DPYD: variants seen among roughly 807,000 people sequenced by gnomAD.
The protein encoded by DPYD is dihydropyrimidine dehydrogenase [NADP(+)].
DPYD carries 109 observed loss-of-function variants against 116.2 expected under a neutral mutation model. That is an observed-to-expected ratio of 0.94 (90% CI 0.80 to 1.10). DPYD has a LOEUF of 1.10. Ranked by LOEUF, DPYD falls within the 50% of genes least tolerant of loss-of-function variation. DPYD has a pLI of 0.00. For synonymous variants in DPYD, 440 were observed against 432.0 expected, an observed-to-expected ratio of 1.02 and a Z score of -0.23; for missense variants, 1,302 against 1,254.5, an observed-to-expected ratio of 1.04 and a Z score of -0.57.
chr1:97,752,873 C>A (rs1026711092), intron 3 of DPYD, among the ~76,000 whole-genome samples: 4 of 152,118 alleles, frequency 2.6e-5, no homozygotes, highest in Non-Finnish European at 4.4e-5. Flanking sequence ...GGTTGGGTTC[C>A]TCTGTCTTTG....
chr1:97,084,949 C>A (rs1027691566), intron 21 of DPYD, among the ~76,000 whole-genome samples: 8 of 152,098 alleles, frequency 5.3e-5, no homozygotes, highest in Non-Finnish European at 1.0e-4. Context: ...TATCTATACA[C>A]TAAACCTATA....
intron 8 of DPYD, among the ~76,000 whole-genome samples, chr1:97,667,941 G>C (rs1313657262): frequency 2.6e-5 from 4 of 152,240 alleles, no homozygotes; most frequent in Non-Finnish European, 5.9e-5. Flanking sequence ...TATGCTAAGT[G>C]AAATAAGCCA....
At chr1:97,379,661 G>T (rs989654134) in intron 15 of DPYD, among the ~76,000 whole-genome samples, 7 of 152,134 alleles carry the variant, frequency 4.6e-5, no homozygotes, top group African/African-American at 1.7e-4. Context: ...TACAATTCTG[G>T]GTTTAGAAGA....
At chr1:97,314,353 T>C (rs936067357) in intron 16 of DPYD, among the ~76,000 whole-genome samples, 1 of 151,860 alleles carries the variant, frequency 6.6e-6, no homozygotes, top group Non-Finnish European at 1.5e-5. Context: ...TCCTGTTTTG[T>C]TCCTTTAAAT....
chr1:97,694,677 C>T lies in DPYD; in HGVS notation c.681-2879G>A, dbSNP rs561583642. On this transcript the variant is annotated intron_variant, in intron 6 of 22. Coordinates refer to ENST00000370192, the MANE Select transcript of DPYD (RefSeq NM_000110.4). ...CCATCATCACACACTATTCCCTTTC[C>T]AGCCCCACACCAAGCCCAGATGCAG... Among the ~76,000 whole-genome samples the T allele has an allele frequency of 3.3e-5, 5 of 152,252 alleles. No individual in the cohort carries two copies. The South Asian group carries it at 8.3e-4, about 25-fold the overall frequency.
chr1:97,705,787 C>T (rs1661909386), intron 5 of DPYD, among the ~76,000 whole-genome samples: 1 of 152,078 alleles, frequency 6.6e-6, no homozygotes. Context: ...ACATCTTCTC[C>T]AGCACCTGTT....
chr1:97,430,606 C>T (rs1675120769), intron 14 of DPYD, among the ~76,000 whole-genome samples: 1 of 150,902 alleles, frequency 6.6e-6, no homozygotes, highest in Non-Finnish European at 1.5e-5. Context: ...AAAAAAATGT[C>T]CTCTTTCACG....
intron 8 of DPYD, among the ~76,000 whole-genome samples, chr1:97,654,130 G>A (rs1353754853): frequency 6.6e-6 from 1 of 152,162 alleles, no homozygotes; most frequent in Non-Finnish European, 1.5e-5. Flanking sequence ...TCACAGAATT[G>A]CACAGGGCCA....
intron 1 of DPYD, among the ~76,000 whole-genome samples, chr1:97,895,231 T>A (rs1672998799): frequency 6.6e-6 from 1 of 151,780 alleles, no homozygotes; most frequent in Non-Finnish European, 1.5e-5. Context: ...TAGTACCTTT[T>A]GTGTATAAAA....
chr1:97,368,637 C>A (rs1671162985), intron 16 of DPYD, among the ~76,000 whole-genome samples: 1 of 152,172 alleles, frequency 6.6e-6, no homozygotes, highest in African/African-American at 2.4e-5. Flanking sequence ...ATTAAAGGTA[C>A]TGCTGGCCAA....
At chr1:97,406,559 C>A (rs1473746235) in intron 14 of DPYD, among the ~76,000 whole-genome samples, 1 of 148,166 alleles carries the variant, frequency 6.7e-6, no homozygotes, top group Non-Finnish European at 1.5e-5. Context: ...CCTAGCCCCC[C>A]ACCCCCCGAC....
In DPYD at chr1:97,751,492, A is replaced by G. The variant is rs189450002; in HGVS notation, c.234-11013T>C. 5.9e-5 allele frequency among the ~76,000 whole-genome samples: 8 copies of G among 134,658 alleles called. No homozygotes were observed. In the East Asian group the frequency reaches 1.4e-3, roughly 23 times the overall value. The allele number at this position is 134,658 out of a possible 152,430, so 88.3% of individuals were successfully genotyped here. On this transcript the variant is annotated intron_variant, in intron 3 of 22. Transcript: ENST00000370192. ...TATATATATATATATATATATATAT[A>G]TATGGCAGGGGACAGTGGCTCACGC...
intron 19 of DPYD, among the ~76,000 whole-genome samples, chr1:97,203,194 T>C (rs2101849045): frequency 6.6e-6 from 1 of 152,100 alleles, no homozygotes; most frequent in East Asian, 1.9e-4. Context: ...GTAACACAGG[T>C]GGTGGTGTAA....
intron 16 of DPYD, among the ~76,000 whole-genome samples, chr1:97,347,630 C>A (rs1669924717): frequency 2.6e-5 from 4 of 151,930 alleles, no homozygotes; most frequent in African/African-American, 9.7e-5. Flanking sequence ...CAAGGTTGTA[C>A]CGGGCTCATA....
At chr1:97,083,606 C>T (rs2101561982) in intron 21 of DPYD, among the ~76,000 whole-genome samples, 1 of 152,214 alleles carries the variant, frequency 6.6e-6, no homozygotes, top group South Asian at 2.1e-4. Flanking sequence ...ATTTCAACTA[C>T]ACTGCAGTCT....
intron 20 of DPYD, among the ~76,000 whole-genome samples, chr1:97,166,250 A>T (rs1412151682): frequency 6.6e-6 from 1 of 152,228 alleles, no homozygotes; most frequent in Non-Finnish European, 1.5e-5. Context: ...AATACTATGT[A>T]GCCATAACAA....
chr1:97,487,355 T>C (rs1463178746), intron 13 of DPYD, among the ~76,000 whole-genome samples: 1 of 152,158 alleles, frequency 6.6e-6, no homozygotes, highest in Admixed American at 6.5e-5. Flanking sequence ...TTCAATGTCA[T>C]TGCACATTAG....
intron 16 of DPYD, among the ~76,000 whole-genome samples, chr1:97,332,089 A>G (rs922047111): frequency 1.6e-4 from 24 of 152,168 alleles, no homozygotes; most frequent in Non-Finnish European, 3.2e-4. Context: ...GCCTAGGAAC[A>G]CTGAGAATTC....
intron 13 of DPYD, among the ~76,000 whole-genome samples, chr1:97,483,595 A>G (rs1678443962): frequency 6.6e-6 from 1 of 152,166 alleles, no homozygotes; most frequent in Non-Finnish European, 1.5e-5. Flanking sequence ...CCACCATGGC[A>G]CACGTTTACC....
Sources: allele counts gnomAD v4.1 joint callset (sites outside exome capture counted in the v4.1 genomes callset), GRCh38; gene constraint gnomAD v4.1.1; transcripts MANE v1.5; gene names NCBI Gene and HGNC (gene_info 2026-07-23, HGNC 2026-07-21).